The following INTS9 variants were observed in gnomAD, a reference collection of about 807,000 sequenced individuals.
INTS9 encodes integrator complex subunit 9.
Under a neutral mutation model 79.7 loss-of-function variants are expected in INTS9, and 55 were observed. The ratio of observed to expected loss-of-function variants is 0.69; its 90% CI spans 0.56 to 0.86. The LOEUF (loss-of-function observed/expected upper bound fraction) is 0.86. Among genes scored for constraint, INTS9 ranks in the 40% least tolerant of loss-of-function variants. INTS9 has a pLI of 0.00. For synonymous variants in INTS9, 319 were observed against 325.2 expected (o/e 0.98, Z 0.20); for missense variants, 721 against 831.5 (o/e 0.87, Z 1.64).
intron 5 of INTS9, among the ~76,000 whole-genome samples, chr8:28,836,431 C>T (rs184061568): frequency 6.6e-6 from 1 of 152,312 alleles, no homozygotes; most frequent in East Asian, 1.9e-4. Flanking sequence ...ATCTAATATT[C>T]GTGATCCATA....
At chr8:28,865,472 T>TA (rs78350760) in intron 1 of INTS9, among the ~76,000 whole-genome samples, 1,172 of 116,414 alleles carry the variant, frequency 0.01, 14 homozygotes, top group African/African-American at 0.03. Context: ...ACCCCATCTC[T>TA]AAAAAAAAAA....
At chr8:28,847,471 CACT>C (rs1489705130) in intron 3 of INTS9, among the ~76,000 whole-genome samples, 7 of 151,980 alleles carry the variant, frequency 4.6e-5, no homozygotes, top group Admixed American at 1.3e-4. Flanking sequence ...CCACCACCAC[CACT>C]ACCACCTCCA....
At chr8:28,823,182 C>A (rs1403275834) in intron 6 of INTS9, among the ~76,000 whole-genome samples, 1 of 152,130 alleles carries the variant, frequency 6.6e-6, no homozygotes, top group African/African-American at 2.4e-5. Flanking sequence ...CTACAATATG[C>A]CACTTCAGCA....
chr8:28,823,573 T>C (rs996812067), intron 6 of INTS9, among the ~76,000 whole-genome samples: 1 of 150,100 alleles, frequency 6.7e-6, no homozygotes, highest in Non-Finnish European at 1.5e-5. Context: ...CTTAATAAAA[T>C]GTGTGTACCT....
rs945112294 is a variant in INTS9 at position 28,835,317 on chromosome 8, A to G, written c.463T>C (p.Leu155=). Residue 155 remains leucine, a synonymous_variant, in exon 6 of 17, where the codon TTG becomes CTG. Coordinates refer to ENST00000521022, the MANE Select transcript of INTS9 (RefSeq NM_018250.4). ...CTCTGAATGTCCTTATTCTTCCACA[A>G]GGAGGCAGACTGAGCCTTTGGCACT... The part of the protein sequence containing the change: ...ERVPKAQSAS[L]WKNKDIQRLL... 26 of 1,613,802 alleles carry G rather than the reference A, an allele frequency of 1.6e-5. No individual in the cohort carries two copies. The highest frequency in any genetic ancestry group is 2.1e-5 in the Non-Finnish European group (25 of 1,179,754).
chr8:28,805,490 G>A (rs1322151763), intron 8 of INTS9, among the ~76,000 whole-genome samples: 3 of 152,166 alleles, frequency 2.0e-5, no homozygotes, highest in Non-Finnish European at 4.4e-5. Context: ...TCCTGTTTAT[G>A]GAAAGTAAGG....
intron 1 of INTS9, among the ~76,000 whole-genome samples, chr8:28,874,289 G>GT (rs780879321): frequency 0.015 from 2,080 of 142,080 alleles, 18 homozygotes; most frequent in African/African-American, 0.019. Flanking sequence ...TATTTAAACT[G>GT]TTTTTTTTTT....
intron 1 of INTS9, among the ~76,000 whole-genome samples, chr8:28,865,742 C>T (rs768875883): frequency 1.8e-4 from 27 of 152,136 alleles, no homozygotes; most frequent in African/African-American, 1.7e-4. Context: ...AAGATGTGCA[C>T]GGGTATGAGG....
At chr8:28,869,257 G>T (rs1396584563) in intron 1 of INTS9, among the ~76,000 whole-genome samples, 1 of 152,132 alleles carries the variant, frequency 6.6e-6, no homozygotes, top group African/African-American at 2.4e-5. Flanking sequence ...GCCCAGGCTG[G>T]TGTCGAACTT....
chr8:28,855,764 A>G (rs1480904757), intron 2 of INTS9, among the ~76,000 whole-genome samples: 1 of 152,238 alleles, frequency 6.6e-6, no homozygotes, highest in East Asian at 1.9e-4. Context: ...AGGTATACAG[A>G]TTAGACACTG....
At chr8:28,800,955 A>G (rs1021191051) in intron 8 of INTS9, among the ~76,000 whole-genome samples, 42 of 152,222 alleles carry the variant, frequency 2.8e-4, no homozygotes, top group African/African-American at 9.6e-4. Context: ...GGGCCAGTAA[A>G]TTGTCCAGTC....
At position 28,775,829 on chromosome 8, in the gene INTS9, G is replaced by C. The variant is rs753091252; in HGVS notation, c.1493C>G (p.Ser498Cys). ...GGCGAGAACCTCAGCCCGCCGATAG[G>C]ACATGGCGGGGGGCTGGCAGTCGAT... Reference protein sequence around the residue: ...LMIDCQPPAMSYRRAEVLALP... With the variant: ...LMIDCQPPAMCYRRAEVLALP... The change falls in exon 14 of 17, where the codon TCC becomes TGC. Residue 498 changes from serine to cysteine, a missense_variant. Around this residue, in one of 3 missense-constraint regions of INTS9, gnomAD observed 281 missense variants for 300.8 expected, o/e 0.93. Transcript: ENST00000521022. 6.2e-6 allele frequency: 10 copies of C among 1,614,052 alleles called. No individual in the cohort carries two copies. In the East Asian group the frequency reaches 2.2e-4, roughly 36 times the overall value.
chr8:28,868,936 T>C (rs1808917201), intron 1 of INTS9, among the ~76,000 whole-genome samples: 1 of 152,000 alleles, frequency 6.6e-6, no homozygotes, highest in African/African-American at 2.4e-5. Context: ...CCGTCTCTAC[T>C]AAAAATAGAA....
chr8:28,789,327 G>T (rs1368808871), intron 10 of INTS9, among the ~76,000 whole-genome samples: 1 of 152,194 alleles, frequency 6.6e-6, no homozygotes, highest in East Asian at 1.9e-4. Flanking sequence ...TCTGCTAACA[G>T]ATCCTCCATA....
intron 11 of INTS9, among the ~76,000 whole-genome samples, chr8:28,785,359 C>T (rs754387275): frequency 3.3e-5 from 5 of 152,178 alleles, no homozygotes; most frequent in East Asian, 1.9e-4. Context: ...ATTATTACTG[C>T]GGTGGCTGCC....
intron 14 of INTS9, among the ~76,000 whole-genome samples, chr8:28,773,554 CT>C (rs530215220): frequency 8.0e-4 from 114 of 142,224 alleles, no homozygotes; most frequent in African/African-American, 1.2e-3. Context: ...TTTGAAATAT[CT>C]TTTTTTTTTT....
intron 6 of INTS9, among the ~76,000 whole-genome samples, chr8:28,820,054 G>C (rs1214797912): frequency 2.0e-5 from 3 of 152,120 alleles, no homozygotes; most frequent in African/African-American, 7.2e-5. Flanking sequence ...GTCTCTGCAC[G>C]TAAGATGGGT....
rs768847471 is a variant in INTS9, at chr8:28,812,378, G to A, written c.693C>T (p.Tyr231=). The change falls in exon 8 of 17, where the codon TAC becomes TAT. Residue 231 remains tyrosine, a synonymous_variant. Transcript: ENST00000521022. ...GSSNWIIQSH[Y]EKVSYVSGSS... is the part of the protein sequence containing the mutation. ...ATCCAGAGACATAAGACACTTTCTC[G>A]TAATGAGACTGGATGATCCAGTTGG... The A allele has an allele frequency of 4.3e-6, 7 of 1,613,922 alleles. No homozygotes were observed. Among genetic ancestry groups the A allele is most frequent in the African/African-American group, 2.7e-5 (2 of 75,032 alleles).
chr8:28,816,310 C>A (rs184048573), intron 6 of INTS9, among the ~76,000 whole-genome samples: 3 of 123,590 alleles, frequency 2.4e-5, no homozygotes, highest in Admixed American at 9.4e-5. Flanking sequence ...CCCCTCCCCC[C>A]ACCCACAACA....
Sources: allele counts gnomAD v4.1 joint callset (sites outside exome capture counted in the v4.1 genomes callset), GRCh38; gene constraint gnomAD v4.1.1; regional missense constraint gnomAD v4.1.1; transcripts MANE v1.5; gene names NCBI Gene and HGNC (gene_info 2026-07-23, HGNC 2026-07-21).